PCMT1: variants seen among roughly 807,000 people sequenced by gnomAD.
The protein encoded by PCMT1 is protein-L-isoaspartate (D-aspartate) O-methyltransferase.
PCMT1 carries 9 observed loss-of-function variants against 29.2 expected under a neutral mutation model. The ratio of observed to expected loss-of-function variants is 0.31; its 90% confidence interval spans 0.19 to 0.54. PCMT1 has a LOEUF of 0.54. PCMT1 is among the 20% of genes least tolerant of loss of function. The pLI is 0.95. For missense variants in PCMT1, 184 were observed against 282.2 expected, an observed-to-expected ratio of 0.65 and a Z score of 2.49; for synonymous variants, 98 against 97.5, an observed-to-expected ratio of 1.00 and a Z score of -0.03.
chr6:149,764,913 T>C (rs9767192), intron 1 of PCMT1, among the ~76,000 whole-genome samples: 79,531 of 149,924 alleles, frequency 0.53, 23,994 homozygotes, highest in East Asian at 0.83. Context: ...TGGTGGCGGG[T>C]GCCTGTAGTC....
intron 3 of PCMT1, among the ~76,000 whole-genome samples, chr6:149,785,888 T>C (rs879680524): frequency 0.051 from 6,052 of 119,198 alleles, no homozygotes; most frequent in South Asian, 0.12. Flanking sequence ...AAAGCCGCCA[T>C]TGTCATCCTG....
In PCMT1 at chr6:149,802,107, C is replaced by T. The variant is rs1029946486; in HGVS notation, c.505-93C>T. 8.5e-5 allele frequency: 72 copies of T among 850,986 alleles called. 1 individual carries two copies. The South Asian group carries it at 8.8e-4, about 10-fold the overall frequency. 52.7% of individuals were successfully genotyped at this position (850,986 alleles called of 1,614,324 possible). On this transcript the variant is annotated intron_variant, in intron 6 of 7. Coordinates refer to ENST00000464889, the MANE Select transcript of PCMT1 (RefSeq NM_001360452.2). The stretch of plus-strand genomic sequence containing the variant: ...TCGTGTCATTGCACTCCAGCCTGGG[C>T]GACAGAGTGAGACCCTGTCTCAAAA...
chr6:149,767,422 A>G (rs1189102476), intron 1 of PCMT1, among the ~76,000 whole-genome samples: 1 of 151,838 alleles, frequency 6.6e-6, no homozygotes, highest in African/African-American at 2.4e-5. Flanking sequence ...ATGCTGCCTT[A>G]TTCTTACTTT....
intron 3 of PCMT1, among the ~76,000 whole-genome samples, chr6:149,787,447 A>G (rs1304213501): frequency 6.6e-6 from 1 of 151,622 alleles, no homozygotes; most frequent in Non-Finnish European, 1.5e-5. Flanking sequence ...GCTCACTGCA[A>G]CATCCACCTC....
chr6:149,752,812 C>G (rs1040067956), intron 1 of PCMT1, among the ~76,000 whole-genome samples: 1 of 152,072 alleles, frequency 6.6e-6, no homozygotes, highest in Non-Finnish European at 1.5e-5. Context: ...TAAAGTCTCT[C>G]CTTTTTTGGG....
chr6:149,793,662 G>A lies in PCMT1; in HGVS notation c.411G>A (p.Gln137=). The A allele has an allele frequency of 6.5e-7, 1 of 1,538,606 alleles. No homozygotes were observed. Among genetic ancestry groups the A allele is most frequent in the Non-Finnish European group, 8.6e-7 (1 of 1,156,352 alleles). Residue 137 remains glutamine, a synonymous_variant, in exon 5 of 8, where the codon CAG becomes CAA. Coordinates refer to ENST00000464889, the MANE Select transcript of PCMT1 (RefSeq NM_001360452.2). The part of the protein sequence containing the change: ...DPTLLSSGRV[Q]LVVGDGRMGY... ...CACTTCTGTCTTCAGGGAGAGTACA[G>A]CTTGTTGGTAAGTATCAGAAAACTT...
chr6:149,773,284 T>C (rs1387031003), intron 3 of PCMT1, 115 bp downstream of exon 3: 2 of 794,040 alleles, frequency 2.5e-6, no homozygotes, highest in Non-Finnish European at 4.2e-6. Flanking sequence ...ATGAGTTATG[T>C]GAATTGGTAA....
chr6:149,768,484 C>A (rs961499748), intron 1 of PCMT1, among the ~76,000 whole-genome samples: 9 of 142,166 alleles, frequency 6.3e-5, no homozygotes, highest in African/African-American at 2.4e-4. Flanking sequence ...TGGAGTCTCA[C>A]CCTGTCACTC....
chr6:149,774,436 T>G (rs2115261575), intron 3 of PCMT1, among the ~76,000 whole-genome samples: 1 of 151,158 alleles, frequency 6.6e-6, no homozygotes, highest in East Asian at 2.0e-4. Flanking sequence ...AGACGGGGCT[T>G]CACTATGTTG....
chr6:149,769,988 T>C (rs9765940), intron 1 of PCMT1, among the ~76,000 whole-genome samples: 2,191 of 152,214 alleles, frequency 0.014, 54 homozygotes, highest in African/African-American at 0.05. Context: ...TCTACAACAG[T>C]CAACAGTATG....
intron 1 of PCMT1, among the ~76,000 whole-genome samples, chr6:149,751,003 A>G (rs1449515058): frequency 6.6e-6 from 1 of 152,114 alleles, no homozygotes; most frequent in Admixed American, 6.6e-5. Context: ...TAATTTCCTT[A>G]ACGGCTGGCA....
chr6:149,787,287 G>GAAA (rs1322680861), intron 3 of PCMT1, among the ~76,000 whole-genome samples: 22 of 144,462 alleles, frequency 1.5e-4, no homozygotes, highest in African/African-American at 5.6e-4. Flanking sequence ...GGAGACCGTG[G>GAAA]GTAGAGGGAG....
chr6:149,750,319 G>A (rs1786255490), intron 1 of PCMT1: 2 of 272,278 alleles, frequency 7.3e-6, no homozygotes, highest in Non-Finnish European at 1.4e-5. Context: ...GGGAGCGTGT[G>A]GGCTAGGCCT....
At chr6:149,800,862 C>G (rs1775806381) in intron 6 of PCMT1, among the ~76,000 whole-genome samples, 1 of 152,212 alleles carries the variant, frequency 6.6e-6, no homozygotes, top group Non-Finnish European at 1.5e-5. Flanking sequence ...AACAGGCACA[C>G]AGGCATTAGA....
At chr6:149,788,907 G>A (rs527241991) in intron 3 of PCMT1, among the ~76,000 whole-genome samples, 100 of 151,998 alleles carry the variant, frequency 6.6e-4, no homozygotes, top group African/African-American at 2.1e-3. Flanking sequence ...TTTTCTATGT[G>A]CATTCATTAT....
At chr6:149,802,611 TTTTG>T (rs968138688) in intron 7 of PCMT1, 195 bp downstream of exon 7, 33 of 693,886 alleles carry the variant, frequency 4.8e-5, no homozygotes, top group African/African-American at 1.3e-4. Context: ...CAAAGGCTTT[TTTTG>T]TTTGTTTGTT....
At position 149,804,483 on chromosome 6, in the gene PCMT1, T is replaced by C. The variant is rs77695522; in HGVS notation, c.*37+2067T>C. Among the ~76,000 whole-genome samples the C allele has an allele frequency of 6.3e-3, 955 of 152,264 alleles. 13 individuals are homozygous for C. The highest frequency in any genetic ancestry group is 0.022 in the African/African-American group (908 of 41,542). On this transcript the variant is annotated intron_variant, in intron 7 of 7. Coordinates refer to ENST00000464889, the MANE Select transcript of PCMT1 (RefSeq NM_001360452.2). ...AGAGCCCTTGCTTGTCTAGGTTTTC[T>C]CTGACCCTGTTCTTAATTTAATTTA...
chr6:149,790,477 A>C (rs1415770809), intron 4 of PCMT1, among the ~76,000 whole-genome samples: 1 of 149,054 alleles, frequency 6.7e-6, no homozygotes, highest in Non-Finnish European at 1.5e-5. Flanking sequence ...CCAAGTTCTG[A>C]TTTGGCAGAA....
chr6:149,802,914 G>A (rs1022156903), intron 7 of PCMT1, among the ~76,000 whole-genome samples: 5 of 151,806 alleles, frequency 3.3e-5, no homozygotes, highest in East Asian at 1.9e-4. Flanking sequence ...TCAGCTGGGC[G>A]TGATGGCACA....
Sources: allele counts gnomAD v4.1 joint callset (sites outside exome capture counted in the v4.1 genomes callset), GRCh38; gene constraint gnomAD v4.1.1; transcripts MANE v1.5; gene names NCBI Gene and HGNC (gene_info 2026-07-23, HGNC 2026-07-21).